Variants in CTNNBIP1 observed in about 807,000 individuals in gnomAD.
CTNNBIP1 encodes catenin beta interacting protein 1.
CTNNBIP1 carries 7 observed loss-of-function variants against 11.8 expected under a neutral mutation model. The ratio of observed to expected loss-of-function variants is 0.60; its 90% CI spans 0.34 to 1.12. The LOEUF (loss-of-function observed/expected upper bound fraction) is 1.12, where lower values mean the gene tolerates loss of function less well. Among genes scored for constraint, CTNNBIP1 ranks in the 50% most tolerant of loss-of-function variants. The pLI is 0.03. For synonymous variants in CTNNBIP1, 58 were observed against 43.9 expected (o/e 1.32, Z -1.26); for missense variants, 101 against 113.4 (o/e 0.89, Z 0.50).
rs956057632 is a variant in CTNNBIP1 at position 9,872,778 on chromosome 1, G to T, written c.-24-690C>A. Among the ~76,000 whole-genome samples, 27 of 152,188 alleles carry T rather than the reference G, an allele frequency of 1.8e-4. No individual in the cohort carries two copies. Among genetic ancestry groups the T allele is most frequent in the Admixed American group, 1.7e-3 (26 of 15,274 alleles). ...GGGAAGGCCAGCAGCGTGTCCACATGCAGCAGGGACCTAACCTGTAGAAAG... is the reference window on the plus strand; with the variant it reads ...GGGAAGGCCAGCAGCGTGTCCACATTCAGCAGGGACCTAACCTGTAGAAAG... On this transcript the variant is annotated intron_variant, in intron 3 of 5. Transcript: ENST00000377263. This position sits in a 1 kb window ranked among gnomAD's most constrained non-coding sequence, Gnocchi z 4.0.
rs1320344163 is a variant in CTNNBIP1, at chr1:9,872,799, G to GA, written c.-24-712dup. On this transcript the variant is annotated intron_variant, in intron 3 of 5. Transcript: ENST00000377263. The surrounding 1 kb of genome is among the most constrained non-coding windows in gnomAD (Gnocchi z 4.0). ...ACATGCAGCAGGGACCTAACCTGTA[G>GA]AAAGTCCCCAGGAGAGAAGTCCAGA... Among the ~76,000 whole-genome samples the GA allele has an allele frequency of 2.0e-5, 3 of 152,198 alleles. No homozygotes were observed. The highest frequency in any genetic ancestry group is 7.2e-5 in the African/African-American group (3 of 41,448).
At chr1:9,881,711 T>C (rs546168509) in intron 2 of CTNNBIP1, among the ~76,000 whole-genome samples, 108 of 152,150 alleles carry the variant, frequency 7.1e-4, no homozygotes, top group Non-Finnish European at 1.2e-3. Context: ...ACAGCTGGTC[T>C]AGAATGAGAA....
At chr1:9,897,759 C>A (rs984824883) in intron 1 of CTNNBIP1, among the ~76,000 whole-genome samples, 1 of 151,614 alleles carries the variant, frequency 6.6e-6, no homozygotes, top group Admixed American at 6.6e-5. Context: ...GGTTGCAGTG[C>A]GCTGAGATCG....
chr1:9,856,156 A>C (rs1638498442), intron 5 of CTNNBIP1, among the ~76,000 whole-genome samples: 2 of 152,056 alleles, frequency 1.3e-5, no homozygotes, highest in African/African-American at 4.8e-5. Flanking sequence ...TCAAAAAAAA[A>C]ATAAGAAATA....
chr1:9,894,142 C>T (rs543018807), intron 1 of CTNNBIP1, among the ~76,000 whole-genome samples: 3 of 152,292 alleles, frequency 2.0e-5, no homozygotes, highest in African/African-American at 4.8e-5. Context: ...ACATACCTTG[C>T]TCCTGGAGTC....
chr1:9,897,225 C>T (rs188048209), intron 1 of CTNNBIP1, among the ~76,000 whole-genome samples: 2,489 of 151,524 alleles, frequency 0.016, 67 homozygotes, highest in African/African-American at 0.056. Flanking sequence ...GAGGCCGAGG[C>T]GGGCGGATCA....
At chr1:9,889,745 G>A (rs1350927398) in intron 1 of CTNNBIP1, among the ~76,000 whole-genome samples, 2 of 152,124 alleles carry the variant, frequency 1.3e-5, no homozygotes, top group African/African-American at 2.4e-5. Context: ...TAGGCCCCAG[G>A]GAACCTTATT....
At chr1:9,862,791 A>C (rs1275029015) in intron 5 of CTNNBIP1, among the ~76,000 whole-genome samples, 1 of 152,136 alleles carries the variant, frequency 6.6e-6, no homozygotes, top group Non-Finnish European at 1.5e-5. Context: ...ATTAGTTCAC[A>C]CGCCAGTCTG....
At chr1:9,853,226 A>G (rs1259567706) in intron 5 of CTNNBIP1, among the ~76,000 whole-genome samples, 2 of 152,182 alleles carry the variant, frequency 1.3e-5, no homozygotes, top group Non-Finnish European at 2.9e-5. Context: ...TCCAGGCTTT[A>G]CCACAAGGAT....
In CTNNBIP1 at chr1:9,850,399, A is replaced by G. The variant is rs1638354608; in HGVS notation, c.*319T>C. Reference sequence around the variant, plus strand: ...CGGAGAGCTTCCAGGGAAGCCAGATACCGAGGCGCAAATTTTTTAAAAAAT... The same window carrying G: ...CGGAGAGCTTCCAGGGAAGCCAGATGCCGAGGCGCAAATTTTTTAAAAAAT... On this transcript the variant is annotated 3_prime_UTR_variant, in exon 6 of 6. Coordinates refer to ENST00000377263, the MANE Select transcript of CTNNBIP1 (RefSeq NM_020248.3). 4.1e-6 allele frequency: 1 copy of G among 243,308 alleles called. No homozygotes were observed. Among genetic ancestry groups the G allele is most frequent in the East Asian group, 8.9e-5 (1 of 11,294 alleles). 15.1% of individuals were successfully genotyped at this position (243,308 alleles called of 1,614,324 possible). A position where few individuals can be genotyped will look rare whatever the true frequency, so the allele number is the denominator to read the frequency against.
chr1:9,882,834 C>G (rs1639112333), intron 2 of CTNNBIP1, among the ~76,000 whole-genome samples: 1 of 152,196 alleles, frequency 6.6e-6, no homozygotes, highest in Admixed American at 6.5e-5. Flanking sequence ...GGCGCAAAAG[C>G]AGAGGAATGG....
intron 1 of CTNNBIP1, among the ~76,000 whole-genome samples, chr1:9,884,231 A>G (rs112158105): frequency 0.03 from 4,598 of 152,146 alleles, 92 homozygotes; most frequent in Non-Finnish European, 0.049. Context: ...TTTCCTGGGA[A>G]TGGCTCCAGG....
chr1:9,908,060 T>A (rs1353630265), intron 1 of CTNNBIP1, among the ~76,000 whole-genome samples: 2 of 152,206 alleles, frequency 1.3e-5, no homozygotes, highest in African/African-American at 4.8e-5. Flanking sequence ...ACAGGTTCTT[T>A]TTCTCCACCC....
intron 1 of CTNNBIP1, among the ~76,000 whole-genome samples, chr1:9,888,456 G>A (rs959899057): frequency 9.9e-5 from 15 of 151,790 alleles, no homozygotes; most frequent in African/African-American, 3.4e-4. Context: ...TGAGGCTGAG[G>A]CAGGAGAATC....
intron 1 of CTNNBIP1, among the ~76,000 whole-genome samples, chr1:9,885,596 A>T (rs969873844): frequency 2.0e-5 from 3 of 151,718 alleles, no homozygotes; most frequent in East Asian, 3.9e-4. Flanking sequence ...GTGAGCAGTG[A>T]TCATGCCACT....
At chr1:9,860,487 G>A (rs1638603146) in intron 5 of CTNNBIP1, among the ~76,000 whole-genome samples, 1 of 147,476 alleles carries the variant, frequency 6.8e-6, no homozygotes. Flanking sequence ...GCATATGCCT[G>A]TAGTCCCAGC....
chr1:9,881,855 T>TACA (rs1639089255), intron 2 of CTNNBIP1, among the ~76,000 whole-genome samples: 1 of 152,144 alleles, frequency 6.6e-6, no homozygotes, highest in Admixed American at 6.5e-5. Context: ...GAGCACAAGG[T>TACA]ACAGAACTGG....
At chr1:9,873,046 C>T (rs1197894575) in intron 3 of CTNNBIP1, among the ~76,000 whole-genome samples, 2 of 152,150 alleles carry the variant, frequency 1.3e-5, no homozygotes, top group African/African-American at 4.8e-5. Flanking sequence ...CCAGCAAACC[C>T]TGGACCAGCG....
In CTNNBIP1 at chr1:9,867,455, G is replaced by C. The variant is rs916664307; in HGVS notation, c.187+3732C>G. ...CCTCAAGTAAGGGAGCAGTGCCCCA[G>C]GTACCAGACCCATCCAGCCCTGGAG... On this transcript the variant is annotated intron_variant, in intron 5 of 5. Coordinates refer to ENST00000377263, the MANE Select transcript of CTNNBIP1 (RefSeq NM_020248.3). The surrounding 1 kb of genome is among the most constrained non-coding windows in gnomAD (Gnocchi z 4.6). 6.6e-6 allele frequency among the ~76,000 whole-genome samples: 1 copy of C among 152,208 alleles called. No homozygotes were observed. Among genetic ancestry groups the C allele is most frequent in the Non-Finnish European group, 1.5e-5 (1 of 68,012 alleles).
Sources: allele counts gnomAD v4.1 joint callset (sites outside exome capture counted in the v4.1 genomes callset), GRCh38; gene constraint gnomAD v4.1.1; non-coding constraint Gnocchi (gnomAD v3.1); transcripts MANE v1.5; gene names NCBI Gene and HGNC (gene_info 2026-07-23, HGNC 2026-07-21).